The following KIF20B variants were observed in gnomAD, a reference collection of about 807,000 sequenced individuals.
KIF20B encodes the protein kinesin-like protein KIF20B.
A neutral mutation model predicts 232.5 loss-of-function variants in KIF20B; 188 were observed. The ratio of observed to expected loss-of-function variants is 0.81; its 90% CI spans 0.72 to 0.91. The LOEUF (loss-of-function observed/expected upper bound fraction) is 0.91, where lower values mean the gene tolerates loss of function less well. Among genes scored for constraint, KIF20B ranks in the 40% least tolerant of loss-of-function variants. KIF20B has a pLI of 0.00. For missense variants in KIF20B, 2,154 were observed against 2,055.9 expected (o/e 1.05, Z -0.92); for synonymous variants, 712 against 683.0 (o/e 1.04, Z -0.66).
rs1843362279 is a variant in KIF20B, at chr10:89,733,029, C to A, written c.2518C>A (p.Gln840Lys). The A allele has an allele frequency of 1.2e-6, 2 of 1,613,504 alleles. No homozygotes were observed. The highest frequency in any genetic ancestry group is 1.7e-5 in the Admixed American group (1 of 59,980). Residue 840 changes from glutamine (Q) to lysine (K), a missense_variant, in exon 19 of 33, where the codon CAG becomes AAG. Physicochemically the swap from Gln to Lys is moderately conservative, Grantham distance 53 (BLOSUM62 1). Coordinates refer to ENST00000371728, the MANE Select transcript of KIF20B (RefSeq NM_001284259.2). The part of the protein sequence containing the change: ...ERKRVNENEL[Q>K]QDEPPAKKGS... ...AAAAAGAGTAAATGAAAATGAACTT[C>A]AGCAAGATGAACCACCAGCAAAGAA...
chr10:89,754,733 T>C, intron 26 of KIF20B, 60 bp downstream of exon 26: 2 of 1,251,106 alleles, frequency 1.6e-6, no homozygotes, highest in Non-Finnish European at 1.1e-6. Flanking sequence ...GTTAAATGTA[T>C]TGCTGGAATT....
chr10:89,739,124 A>G (rs1170290097), intron 21 of KIF20B, 28 bp downstream of exon 21: 4 of 1,602,780 alleles, frequency 2.5e-6, no homozygotes, highest in African/African-American at 1.3e-5. Flanking sequence ...TTATGTGGCC[A>G]GTTTATGATA....
At chr10:89,753,110 CAT>C (rs772752417) in intron 25 of KIF20B, among the ~76,000 whole-genome samples, 3 of 152,118 alleles carry the variant, frequency 2.0e-5, no homozygotes, top group African/African-American at 7.2e-5. Flanking sequence ...TATCTGAACA[CAT>C]ATAAAACTAT....
At position 89,738,996 on chromosome 10, in the gene KIF20B, A is replaced by G; in HGVS notation, c.3815A>G (p.Gln1272Arg). 6.2e-7 allele frequency: 1 copy of G among 1,613,344 alleles called. No individual in the cohort carries two copies. Among genetic ancestry groups the G allele is most frequent in the Non-Finnish European group, 8.5e-7 (1 of 1,179,586 alleles). Residue 1272 changes from glutamine (Q) to arginine (R), a missense_variant, in exon 21 of 33, where the codon CAG becomes CGG. By Grantham distance (43) the Gln-to-Arg change is conservative. Coordinates refer to ENST00000371728, the MANE Select transcript of KIF20B (RefSeq NM_001284259.2). Reference protein sequence around the residue: ...EELSASSARTQNLKADLQRKE... With the variant: ...EELSASSARTRNLKADLQRKE... ...CTCTCTGCAAGCTCTGCTCGTACCC[A>G]GAATCTGAAAGCAGATCTTCAGAGG... is the stretch of plus-strand genomic sequence containing the variant.
chr10:89,758,693 A>G lies in KIF20B; in HGVS notation c.4504-13A>G. 6.5e-7 allele frequency: 1 copy of G among 1,543,192 alleles called. No homozygotes were observed. The highest frequency in any genetic ancestry group is 8.7e-7 in the Non-Finnish European group (1 of 1,148,626). On this transcript the variant is annotated splice_polypyrimidine_tract_variant and intron_variant, in intron 26 of 32. Coordinates refer to ENST00000371728, the MANE Select transcript of KIF20B (RefSeq NM_001284259.2). ...CAAGGTTGATTTTAATATTTTCTTT[A>G]TTTCCTGATTAGGAAATACTGACAG...
Position 89,774,408 on chromosome 10 carries a change from A to T in KIF20B, c.*360A>T, listed in dbSNP as rs1842528191. On this transcript the variant is annotated 3_prime_UTR_variant, in exon 33 of 33. Transcript: ENST00000371728. Reference sequence around the variant, plus strand: ...ATGAATTTTTTTTACTTTATCTGTTATACAACTGATTTTACATATCTGTTT... The same window carrying T: ...ATGAATTTTTTTTACTTTATCTGTTTTACAACTGATTTTACATATCTGTTT... 6.4e-6 allele frequency: 1 copy of T among 155,800 alleles called. No homozygotes were observed. The highest frequency in any genetic ancestry group is 1.4e-5 in the Non-Finnish European group (1 of 70,660). The allele number at this position is 155,800 out of a possible 1,614,324, so 9.7% of individuals were successfully genotyped here. A position where few individuals can be genotyped will look rare whatever the true frequency, so the allele number is the denominator to read the frequency against.
intron 19 of KIF20B, among the ~76,000 whole-genome samples, chr10:89,736,437 A>C (rs1311773609): frequency 6.6e-6 from 1 of 152,134 alleles, no homozygotes; most frequent in African/African-American, 2.4e-5. Flanking sequence ...TGAACTTATG[A>C]ATTAAATTGT....
At chr10:89,748,905 A>G (rs182868837) in intron 23 of KIF20B, among the ~76,000 whole-genome samples, 1 of 152,216 alleles carries the variant, frequency 6.6e-6, no homozygotes. Context: ...TAACCTACAT[A>G]TGTTAAAATC....
Position 89,725,141 on chromosome 10 carries a change from A to G in KIF20B, c.1984A>G (p.Thr662Ala). 1 of 1,613,994 alleles carries G rather than the reference A, an allele frequency of 6.2e-7. No individual in the cohort carries two copies. Among genetic ancestry groups the G allele is most frequent in the Non-Finnish European group, 8.5e-7 (1 of 1,179,950 alleles). ...AGAAGCAGCGAAAGACATTTGTGCC[A>G]CAAAAGTTGAAACTGAAGTATGTTA... Reference protein sequence around the residue: ...REEAAKDICATKVETEETHNY... With the variant: ...REEAAKDICAAKVETEETHNY... The change falls in exon 15 of 33, where the codon ACA becomes GCA. Residue 662 changes from threonine to alanine, a missense_variant. Coordinates refer to ENST00000371728, the MANE Select transcript of KIF20B (RefSeq NM_001284259.2).
chr10:89,769,271 C>A (rs752247372), intron 31 of KIF20B, among the ~76,000 whole-genome samples: 1 of 151,888 alleles, frequency 6.6e-6, no homozygotes, highest in Non-Finnish European at 1.5e-5. Context: ...TCTAGGGTGT[C>A]CAAGGGTGAG....
intron 26 of KIF20B, among the ~76,000 whole-genome samples, chr10:89,757,040 G>GTGTGTGTGTATATATATATATA (rs1301847520): frequency 9.0e-6 from 1 of 110,748 alleles, no homozygotes; most frequent in African/African-American, 3.3e-5. Context: ...GTGTGTGTGT[G>GTGTGTGTGTATATATATATATA]TATATATATA....
At chr10:89,713,528 ATATTT>A (rs1842876070) in intron 6 of KIF20B, among the ~76,000 whole-genome samples, 1 of 152,190 alleles carries the variant, frequency 6.6e-6, no homozygotes, top group Admixed American at 6.5e-5. Flanking sequence ...GAACATTAAA[ATATTT>A]TATATCTTTT....
chr10:89,724,094 C>A lies in KIF20B; in HGVS notation c.1853C>A (p.Ala618Asp). 1 of 1,481,964 alleles carries A rather than the reference C, an allele frequency of 6.7e-7. No individual in the cohort carries two copies. The highest frequency in any genetic ancestry group is 1.5e-5 in the South Asian group (1 of 66,640). The allele number at this position is 1,481,964 out of a possible 1,614,324, so 91.8% of individuals were successfully genotyped here. The change falls in exon 14 of 33, where the codon GCT becomes GAT. Residue 618 changes from alanine to aspartate, a missense_variant. Physicochemically the swap from Ala to Asp is moderately radical, Grantham distance 126. Transcript: ENST00000371728. Reference protein sequence around the residue: ...EFTQYWAQREADFKETLLQER... With the variant: ...EFTQYWAQREDDFKETLLQER... ...ACTCAGTATTGGGCTCAACGGGAAG[C>A]TGACTTTAAGTAAGTTATTTATTTC...
At chr10:89,762,910 C>A in intron 29 of KIF20B, 75 bp downstream of exon 29, 2 of 1,029,254 alleles carry the variant, frequency 1.9e-6, no homozygotes, top group Non-Finnish European at 2.9e-6. Context: ...AGTTAAACTG[C>A]TATATTGCCC....
intron 26 of KIF20B, among the ~76,000 whole-genome samples, chr10:89,757,347 A>G (rs1842151491): frequency 2.6e-5 from 4 of 151,608 alleles, no homozygotes; most frequent in Non-Finnish European, 5.9e-5. Context: ...CTAGCTTCTT[A>G]TTTGTAGGAA....
chr10:89,719,018 A>G (rs1842993518), intron 12 of KIF20B, 146 bp downstream of exon 12: 2 of 548,604 alleles, frequency 3.6e-6, no homozygotes, highest in Admixed American at 3.9e-5. Context: ...GACATGAGAA[A>G]GGATTGAAAG....
At chr10:89,740,643 G>C (rs926588275) in intron 21 of KIF20B, among the ~76,000 whole-genome samples, 1 of 152,094 alleles carries the variant, frequency 6.6e-6, no homozygotes, top group African/African-American at 2.4e-5. Flanking sequence ...GTGATTAAAA[G>C]GGGGCTCTTT....
chr10:89,727,711 A>C lies in KIF20B; in HGVS notation c.2231-145A>C, dbSNP rs1843220490. On this transcript the variant is annotated intron_variant, in intron 16 of 32. Transcript: ENST00000371728. ...ATTAGCAGATTTTTTTTTAATGAGT[A>C]GGGTGTGCTTCTAGTGCTATCAAAA... The C allele has an allele frequency of 4.7e-6, 3 of 641,626 alleles. No individual in the cohort carries two copies. The East Asian group carries it at 1.2e-4, about 25-fold the overall frequency. The allele number at this position is 641,626 out of a possible 1,614,324, so 39.7% of individuals were successfully genotyped here.
chr10:89,744,037 G>A, intron 22 of KIF20B, 110 bp downstream of exon 22: 16 of 791,066 alleles, frequency 2.0e-5, no homozygotes, highest in South Asian at 9.5e-5. Flanking sequence ...ACTTTTTCTA[G>A]AATCTAGAAA....
Sources: gnomAD v4.1 joint callset for allele counts (sites outside exome capture counted in the v4.1 genomes callset) on GRCh38, gnomAD v4.1.1 for gene constraint, MANE v1.5 for transcripts, NCBI Gene and HGNC (gene_info 2026-07-23, HGNC 2026-07-21) for gene names.